Variants in LAMA2 observed in about 807,000 individuals in gnomAD.
The protein encoded by LAMA2 is laminin subunit alpha-2.
In LAMA2, 269 loss-of-function variants were observed where a neutral mutation model predicts 364.8. That is an observed-to-expected ratio of 0.74 (90% confidence interval 0.67 to 0.82). The LOEUF (loss-of-function observed/expected upper bound fraction) is 0.82. Ranked by LOEUF, LAMA2 falls within the 40% of genes least tolerant of loss-of-function variation. The pLI is 0.00. For missense variants in LAMA2, 3,807 were observed against 3,873.2 expected (o/e 0.98, Z 0.45); for synonymous variants, 1,379 against 1,370.6 (o/e 1.01, Z -0.14).
chr6:128,977,475 C>A (rs1782607116), intron 1 of LAMA2, among the ~76,000 whole-genome samples: 1 of 152,054 alleles, frequency 6.6e-6, no homozygotes, highest in Admixed American at 6.6e-5. Context: ...GTTGCCCAGG[C>A]TGCTCTCAAA....
At chr6:128,913,932 T>C (rs1778141614) in intron 1 of LAMA2, among the ~76,000 whole-genome samples, 1 of 152,096 alleles carries the variant, frequency 6.6e-6, no homozygotes, top group African/African-American at 2.4e-5. Context: ...GCCATTAAAT[T>C]CAGCTATCCT....
At chr6:128,896,532 A>T (rs1276188826) in intron 1 of LAMA2, among the ~76,000 whole-genome samples, 1 of 151,960 alleles carries the variant, frequency 6.6e-6, no homozygotes, top group East Asian at 1.9e-4. Flanking sequence ...GGTATGTTTT[A>T]AAATTCTGCA....
intron 12 of LAMA2, among the ~76,000 whole-genome samples, chr6:129,210,220 AAAAC>A (rs1167965865): frequency 2.6e-5 from 4 of 152,114 alleles, no homozygotes; most frequent in South Asian, 4.1e-4. Flanking sequence ...AGGCTTTAAA[AAAAC>A]AAACAAACAA....
intron 1 of LAMA2, among the ~76,000 whole-genome samples, chr6:128,987,781 A>T (rs963546348): frequency 5.3e-5 from 8 of 152,166 alleles, no homozygotes; most frequent in Admixed American, 1.3e-4. Context: ...AACTTTTTTC[A>T]TCTGCTCCAC....
At chr6:129,485,964 C>T (rs1323228505) in intron 55 of LAMA2, among the ~76,000 whole-genome samples, 1 of 152,154 alleles carries the variant, frequency 6.6e-6, no homozygotes, top group African/African-American at 2.4e-5. Flanking sequence ...AGCAGGCATG[C>T]TTGTGGATGA....
rs543856157 is a variant in LAMA2 at position 129,282,239 on chromosome 6, T to C, written c.2537+2092T>C. ...TCCTACAGTGTGTAATTAAGAAATC[T>C]GTTCAATTTGTTTAGCTCAGCATTT... On this transcript the variant is annotated intron_variant, in intron 18 of 64. Coordinates refer to ENST00000421865, the MANE Select transcript of LAMA2 (RefSeq NM_000426.4). 4.6e-5 allele frequency among the ~76,000 whole-genome samples: 7 copies of C among 152,348 alleles called. No individual in the cohort carries two copies. The South Asian group carries it at 1.4e-3, about 32-fold the overall frequency.
rs573287985 is a variant in LAMA2 at position 129,163,419 on chromosome 6, C to T, written c.1207-2157C>T. Among the ~76,000 whole-genome samples, 124 of 152,198 alleles carry T rather than the reference C, an allele frequency of 8.1e-4. 2 individuals carry two copies. The highest frequency in any genetic ancestry group is 6.5e-4 in the Non-Finnish European group (44 of 67,998). ...AAGGCCGAAGCAGGCAAGTCGCTTG[C>T]GGTCAGGAGTTTAAGACCAACCTGG... On this transcript the variant is annotated intron_variant, in intron 8 of 64. Transcript: ENST00000421865.
intron 3 of LAMA2, among the ~76,000 whole-genome samples, chr6:129,085,469 GC>G (rs980422879): frequency 6.6e-6 from 1 of 151,610 alleles, no homozygotes; most frequent in African/African-American, 2.4e-5. Flanking sequence ...CTCCTTTTTT[GC>G]CTCCTGTAGC....
chr6:129,424,768 T>G (rs1199313483), intron 40 of LAMA2, among the ~76,000 whole-genome samples: 1 of 152,006 alleles, frequency 6.6e-6, no homozygotes, highest in Non-Finnish European at 1.5e-5. Flanking sequence ...GGAATATAAA[T>G]AGTTCAGATA....
intron 1 of LAMA2, among the ~76,000 whole-genome samples, chr6:128,921,584 C>G (rs1361997365): frequency 6.6e-6 from 1 of 151,868 alleles, no homozygotes; most frequent in Non-Finnish European, 1.5e-5. Flanking sequence ...ACAAGCCAAG[C>G]AATGCCAAGG....
chr6:129,471,146 T>C (rs1276963597), intron 51 of LAMA2, among the ~76,000 whole-genome samples: 1 of 151,932 alleles, frequency 6.6e-6, no homozygotes, highest in Non-Finnish European at 1.5e-5. Context: ...AAATCACATC[T>C]GAACTCATCA....
chr6:129,196,910 C>T (rs1232367786), intron 12 of LAMA2, among the ~76,000 whole-genome samples: 3 of 152,158 alleles, frequency 2.0e-5, no homozygotes, highest in African/African-American at 7.2e-5. Flanking sequence ...GGACCCCCTT[C>T]TTGGCCAAGG....
intron 29 of LAMA2, among the ~76,000 whole-genome samples, chr6:129,331,031 G>A (rs542930569): frequency 1.3e-5 from 2 of 152,010 alleles, no homozygotes; most frequent in African/African-American, 4.8e-5. Flanking sequence ...ACCATGCCCG[G>A]CTTCTTTTTT....
intron 12 of LAMA2, among the ~76,000 whole-genome samples, chr6:129,207,149 T>C (rs1055549218): frequency 6.6e-6 from 1 of 152,218 alleles, no homozygotes; most frequent in African/African-American, 2.4e-5. Flanking sequence ...CAGATGAATA[T>C]ATTTACAGCT....
chr6:129,023,728 G>T (rs1015900343), intron 1 of LAMA2, among the ~76,000 whole-genome samples: 3 of 152,130 alleles, frequency 2.0e-5, no homozygotes, highest in African/African-American at 7.2e-5. Context: ...AACAGCACCT[G>T]ATTTGCTATC....
intron 1 of LAMA2, among the ~76,000 whole-genome samples, chr6:128,996,926 C>A (rs950560140): frequency 6.6e-6 from 1 of 152,142 alleles, no homozygotes; most frequent in Non-Finnish European, 1.5e-5. Flanking sequence ...CACATATACA[C>A]CATGGAACAC....
chr6:129,315,708 A>C, intron 25 of LAMA2, 53 bp downstream of exon 25: 1 of 1,611,866 alleles, frequency 6.2e-7, no homozygotes, highest in Non-Finnish European at 8.5e-7. Flanking sequence ...TCTTTTTAGA[A>C]TCACACCATT....
chr6:129,073,877 A>G (rs753577840), intron 3 of LAMA2, among the ~76,000 whole-genome samples: 23 of 152,258 alleles, frequency 1.5e-4, no homozygotes, highest in Non-Finnish European at 2.8e-4. Context: ...CTGTTTTATG[A>G]CAAGCTTGGT....
At chr6:129,497,359 T>G (rs146117640) in intron 58 of LAMA2, among the ~76,000 whole-genome samples, 1 of 152,106 alleles carries the variant, frequency 6.6e-6, no homozygotes, top group South Asian at 2.1e-4. Flanking sequence ...TGCCTCAGCC[T>G]CCTGAGTAGC....
Sources: gnomAD v4.1 joint callset for allele counts (sites outside exome capture counted in the v4.1 genomes callset) on GRCh38, gnomAD v4.1.1 for gene constraint, MANE v1.5 for transcripts, NCBI Gene and HGNC (gene_info 2026-07-23, HGNC 2026-07-21) for gene names.